The following PPP1CC variants were observed in gnomAD, a reference collection of about 807,000 sequenced individuals.
The protein encoded by PPP1CC is serine/threonine-protein phosphatase PP1-gamma catalytic subunit.
In PPP1CC, 16 loss-of-function variants were observed where a neutral mutation model predicts 38.4. The observed-to-expected ratio is 0.42, with a 90% confidence interval of 0.28 to 0.63. PPP1CC has a LOEUF of 0.63. PPP1CC is among the 30% of genes least tolerant of loss of function. PPP1CC has a pLI of 0.25. For synonymous variants in PPP1CC, 158 were observed against 136.0 expected (o/e 1.16, Z -1.13); for missense variants, 170 against 391.3 (o/e 0.43, Z 4.77).
intron 1 of PPP1CC, among the ~76,000 whole-genome samples, chr12:110,738,225 C>T (rs1275679587): frequency 2.0e-5 from 3 of 152,248 alleles, no homozygotes; most frequent in African/African-American, 7.2e-5. Context: ...TCACCAAGAT[C>T]CACAAACACA....
At chr12:110,721,343 C>T (rs2069737076) in intron 6 of PPP1CC, 178 bp from the exon 7 acceptor site, 1 of 524,544 alleles carries the variant, frequency 1.9e-6, no homozygotes, top group Non-Finnish European at 3.4e-6. Flanking sequence ...GTAATTAACG[C>T]TATGACGAAC....
intron 3 of PPP1CC, among the ~76,000 whole-genome samples, chr12:110,726,869 T>C (rs1229250690): frequency 6.6e-6 from 1 of 152,212 alleles, no homozygotes; most frequent in African/African-American, 2.4e-5. Flanking sequence ...TTAACCTGTA[T>C]TATAAAAACA....
chr12:110,723,622 G>A (rs899200534), intron 4 of PPP1CC, among the ~76,000 whole-genome samples: 1 of 152,090 alleles, frequency 6.6e-6, no homozygotes, highest in Non-Finnish European at 1.5e-5. Flanking sequence ...CGATCCTCCC[G>A]CCTCAGCCTC....
chr12:110,725,737 T>C (rs1184578911), intron 3 of PPP1CC: 1 of 152,270 alleles, frequency 6.6e-6, no homozygotes, highest in Non-Finnish European at 1.5e-5. Flanking sequence ...CTTTGTTTCC[T>C]GTACTTACTA....
intron 1 of PPP1CC, among the ~76,000 whole-genome samples, chr12:110,737,882 G>T (rs892071881): frequency 6.6e-6 from 1 of 152,068 alleles, no homozygotes; most frequent in African/African-American, 2.4e-5. Flanking sequence ...CAGGAGTTCA[G>T]GTCTCCAGCC....
chr12:110,724,592 C>A, intron 4 of PPP1CC, 68 bp downstream of exon 4: 1 of 897,354 alleles, frequency 1.1e-6, no homozygotes, highest in Non-Finnish European at 1.8e-6. Context: ...TGATAACTCA[C>A]AAATGTTAAA....
chr12:110,733,703 CTTCCAGGCTCAAGT>C, intron 1 of PPP1CC, among the ~76,000 whole-genome samples: 1 of 152,292 alleles, frequency 6.6e-6, no homozygotes, highest in East Asian at 1.9e-4. Context: ...CAGCCTCAAC[CTTCCAGGCTCAAGT>C]GATCCTCTTG....
downstream of PPP1CC, among the ~76,000 whole-genome samples, chr12:110,716,619 G>A (rs568151132): frequency 1.3e-5 from 2 of 152,148 alleles, no homozygotes; most frequent in Admixed American, 6.5e-5. Flanking sequence ...TCCCAATCAC[G>A]CTGGAATTAC....
intron 3 of PPP1CC, 134 bp from the exon 4 acceptor site, chr12:110,724,898 A>T (rs897456797): frequency 8.9e-5 from 44 of 496,450 alleles, no homozygotes; most frequent in Admixed American, 3.5e-5. Context: ...TTTTATTAAG[A>T]ATCTTAATAA....
At chr12:110,715,542 C>T (rs115958958), downstream of PPP1CC, among the ~76,000 whole-genome samples, 1,575 of 151,858 alleles carry the variant, frequency 0.01, 39 homozygotes, top group Middle Eastern at 0.037. Flanking sequence ...GTTGCCCATA[C>T]TGGAAAAAAA....
intron 1 of PPP1CC, among the ~76,000 whole-genome samples, chr12:110,734,013 T>C (rs1593582598): frequency 6.6e-6 from 1 of 152,156 alleles, no homozygotes; most frequent in East Asian, 1.9e-4. Flanking sequence ...GATACCACAC[T>C]TCACCCTGGA....
intron 3 of PPP1CC, among the ~76,000 whole-genome samples, chr12:110,728,469 T>C (rs2069834791): frequency 6.6e-6 from 1 of 151,602 alleles, no homozygotes; most frequent in Non-Finnish European, 1.5e-5. Context: ...AAACACAGTG[T>C]TGGCTGGGTG....
chr12:110,718,577 C>T (rs1331052926), downstream of PPP1CC, among the ~76,000 whole-genome samples: 6 of 152,102 alleles, frequency 3.9e-5, no homozygotes, highest in Non-Finnish European at 8.8e-5. Flanking sequence ...CTCAGCCAAC[C>T]GAGATGTGCA....
chr12:110,742,165 T>C (rs2070024448), intron 1 of PPP1CC, among the ~76,000 whole-genome samples: 1 of 150,178 alleles, frequency 6.7e-6, no homozygotes, highest in Admixed American at 6.6e-5. Flanking sequence ...CCACGAAAAA[T>C]AAAAATAAAA....
chr12:110,742,533 G>T, intron 1 of PPP1CC, 120 bp downstream of exon 1: 1 of 824,414 alleles, frequency 1.2e-6, no homozygotes, highest in Non-Finnish European at 1.7e-6. Flanking sequence ...AACTCGAGGA[G>T]CTCACTCCCC....
rs1385797413 is a variant in PPP1CC, at chr12:110,722,957, A to G, written c.524-262T>C. Among the ~76,000 whole-genome samples the G allele has an allele frequency of 6.6e-6, 1 of 152,228 alleles. No individual in the cohort carries two copies. The highest frequency in any genetic ancestry group is 2.4e-5 in the African/African-American group (1 of 41,460). ...TGGAAACAATTATATTATACAGAAC[A>G]CTGTAAAATAAAATCCAGTGATTTA... On this transcript the variant is annotated intron_variant, in intron 4 of 6. Transcript: ENST00000335007. The surrounding 1 kb of genome is among the most constrained non-coding windows in gnomAD (Gnocchi z 5.4).
the PPP1CC span, among the ~76,000 whole-genome samples, chr12:110,711,965 C>T: frequency 1.3e-5 from 2 of 152,102 alleles, no homozygotes; most frequent in Non-Finnish European, 2.9e-5. Context: ...ATTAAAAATA[C>T]AGTCACATGC....
intron 1 of PPP1CC, among the ~76,000 whole-genome samples, chr12:110,740,861 C>T (rs2070009660): frequency 6.6e-6 from 1 of 152,180 alleles, no homozygotes; most frequent in Admixed American, 6.5e-5. Flanking sequence ...TCTAATGTTT[C>T]TAATCCATGC....
downstream of PPP1CC, among the ~76,000 whole-genome samples, chr12:110,716,309 T>C (rs1348175625): frequency 2.6e-5 from 4 of 152,148 alleles, no homozygotes; most frequent in Non-Finnish European, 5.9e-5. Context: ...TGAACTTATG[T>C]AGGTAAAATT....
Sources: allele counts gnomAD v4.1 joint callset (sites outside exome capture counted in the v4.1 genomes callset), GRCh38; gene constraint gnomAD v4.1.1; non-coding constraint Gnocchi (gnomAD v3.1); transcripts MANE v1.5; gene names NCBI Gene and HGNC (gene_info 2026-07-23, HGNC 2026-07-21).